TBC1D15: variants seen among roughly 807,000 people sequenced by gnomAD.
The protein encoded by TBC1D15 is TBC1 domain family member 15, also known as GAP for RAB7.
TBC1D15 carries 39 observed loss-of-function variants against 95.4 expected under a neutral mutation model. That is an observed-to-expected ratio of 0.41 (90% CI 0.32 to 0.53). The LOEUF (loss-of-function observed/expected upper bound fraction) is 0.53. Among genes scored for constraint, TBC1D15 ranks in the 20% least tolerant of loss-of-function variants. The pLI is 0.29. For synonymous variants in TBC1D15, 258 were observed against 261.3 expected (o/e 0.99, Z 0.12); for missense variants, 733 against 794.3 (o/e 0.92, Z 0.93).
chr12:71,852,104 G>C (rs1188773528), intron 1 of TBC1D15, among the ~76,000 whole-genome samples: 1 of 152,250 alleles, frequency 6.6e-6, no homozygotes, highest in East Asian at 1.9e-4. Flanking sequence ...AGCTTCAGCT[G>C]TTGCATTCTG....
At chr12:71,865,366 C>T (rs944260194) in intron 1 of TBC1D15, among the ~76,000 whole-genome samples, 1 of 151,996 alleles carries the variant, frequency 6.6e-6, no homozygotes, top group African/African-American at 2.4e-5. Flanking sequence ...AGAAGGGGTA[C>T]TTTGAAGGTT....
intron 1 of TBC1D15, among the ~76,000 whole-genome samples, chr12:71,864,682 T>C (rs1891106128): frequency 6.6e-6 from 1 of 152,070 alleles, no homozygotes; most frequent in African/African-American, 2.4e-5. Flanking sequence ...AATTTTTGTA[T>C]TTTTAGTAGC....
At chr12:71,855,187 C>G (rs12228009) in intron 1 of TBC1D15, among the ~76,000 whole-genome samples, 2 of 151,992 alleles carry the variant, frequency 1.3e-5, no homozygotes, top group Non-Finnish European at 2.9e-5. Flanking sequence ...TGTGAGAACT[C>G]CCTCACTATC....
At chr12:71,847,625 G>T (rs1010168135) in intron 1 of TBC1D15, among the ~76,000 whole-genome samples, 1 of 151,712 alleles carries the variant, frequency 6.6e-6, no homozygotes, top group African/African-American at 2.4e-5. Flanking sequence ...AACATGGGAG[G>T]CAGAGGTTGC....
At chr12:71,915,711 T>C (rs558845071) in intron 12 of TBC1D15, among the ~76,000 whole-genome samples, 1 of 152,278 alleles carries the variant, frequency 6.6e-6, no homozygotes, top group Admixed American at 6.5e-5. Context: ...CAGTAAATGC[T>C]CTCTGTGTTT....
Position 71,842,639 on chromosome 12 carries a change from T to C in TBC1D15, c.30+2828T>C, listed in dbSNP as rs557218058. On this transcript the variant is annotated intron_variant, in intron 1 of 16. Coordinates refer to ENST00000485960, the MANE Select transcript of TBC1D15 (RefSeq NM_001146213.3). ...TGAGCTCAGGAGTTCAAGACCAGCT[T>C]GGGCAACATAACTAGACCCTGTCTC... Among the ~76,000 whole-genome samples the C allele has an allele frequency of 1.2e-4, 18 of 151,922 alleles. No individual in the cohort carries two copies. The South Asian group carries it at 3.7e-3, about 32-fold the overall frequency.
At chr12:71,866,345 C>T (rs1052765653) in intron 1 of TBC1D15, among the ~76,000 whole-genome samples, 3 of 152,222 alleles carry the variant, frequency 2.0e-5, no homozygotes, top group African/African-American at 7.2e-5. Flanking sequence ...AGACTCGAGG[C>T]AGCTCCCTCA....
At chr12:71,904,625 A>T (rs1900226833) in intron 10 of TBC1D15, among the ~76,000 whole-genome samples, 1 of 152,082 alleles carries the variant, frequency 6.6e-6, no homozygotes, top group African/African-American at 2.4e-5. Context: ...GCACAAGAGG[A>T]GGGGTTGGTC....
rs1887344348 is a variant in TBC1D15, at chr12:71,849,931, T to A, written c.30+10120T>A. On this transcript the variant is annotated intron_variant, in intron 1 of 16. Transcript: ENST00000485960. ...TTGAGGATCAGTGGCTGGAAAAGGC[T>A]AAGTTTCCCCTGAAGGGTGTTGATC... 7.2e-6 allele frequency: 4 copies of A among 552,490 alleles called. No individual in the cohort carries two copies. In the Admixed American group the frequency reaches 8.7e-5, roughly 12 times the overall value. The allele number at this position is 552,490 out of a possible 1,614,324, so 34.2% of individuals were successfully genotyped here.
chr12:71,863,677 CT>C (rs761027801), intron 1 of TBC1D15, among the ~76,000 whole-genome samples: 5 of 152,118 alleles, frequency 3.3e-5, no homozygotes, highest in Non-Finnish European at 5.9e-5. Context: ...GGAATATATG[CT>C]TGCTTAATGG....
intron 4 of TBC1D15, among the ~76,000 whole-genome samples, chr12:71,881,589 C>T (rs1188897811): frequency 6.6e-6 from 1 of 152,152 alleles, no homozygotes; most frequent in Non-Finnish European, 1.5e-5. Flanking sequence ...TGTAATCCTG[C>T]TTATGGCTTG....
chr12:71,911,471 T>C (rs1186561560), intron 11 of TBC1D15, among the ~76,000 whole-genome samples: 1 of 151,606 alleles, frequency 6.6e-6, no homozygotes, highest in Non-Finnish European at 1.5e-5. Flanking sequence ...ATGTCCTTTG[T>C]AGGGACATGG....
At chr12:71,880,424 ATTTG>A (rs1436781332) in intron 3 of TBC1D15, 41 bp from the exon 4 acceptor site, 1 of 1,485,170 alleles carries the variant, frequency 6.7e-7, no homozygotes, top group Non-Finnish European at 9.1e-7. Context: ...TTGAAATTAA[ATTTG>A]TTTTAGACTT....
At chr12:71,867,750 A>C (rs955408013) in intron 1 of TBC1D15, among the ~76,000 whole-genome samples, 1 of 152,246 alleles carries the variant, frequency 6.6e-6, no homozygotes, top group East Asian at 1.9e-4. Context: ...TGGCCTTCCA[A>C]AGTGCTGGGA....
At chr12:71,896,249 T>C in intron 8 of TBC1D15, 174 bp downstream of exon 8, 1 of 566,216 alleles carries the variant, frequency 1.8e-6, no homozygotes, top group African/African-American at 1.9e-5. Context: ...TGCCTTAAAA[T>C]TCCTGGATTG....
At chr12:71,888,740 C>G (rs1335671539) in intron 5 of TBC1D15, among the ~76,000 whole-genome samples, 2 of 151,908 alleles carry the variant, frequency 1.3e-5, no homozygotes, top group Non-Finnish European at 2.9e-5. Flanking sequence ...GCACCCTACT[C>G]TTTCTCAATC....
At chr12:71,870,025 C>G (rs1892325733) in intron 1 of TBC1D15, among the ~76,000 whole-genome samples, 1 of 152,078 alleles carries the variant, frequency 6.6e-6, no homozygotes, top group Non-Finnish European at 1.5e-5. Context: ...AGAATTTGTT[C>G]TGTATATTTC....
At chr12:71,844,387 G>T (rs530217310) in intron 1 of TBC1D15, among the ~76,000 whole-genome samples, 1 of 152,250 alleles carries the variant, frequency 6.6e-6, no homozygotes, top group East Asian at 1.9e-4. Context: ...TGGTATTTGG[G>T]TTTCAATCAT....
In TBC1D15 at chr12:71,884,819, A is replaced by C. The variant is rs769996453; in HGVS notation, c.352A>C (p.Ser118Arg). 6.8e-6 allele frequency: 11 copies of C among 1,613,828 alleles called. No individual in the cohort carries two copies. The highest frequency in any genetic ancestry group is 9.3e-6 in the Non-Finnish European group (11 of 1,179,908). ...RKPHTNGDAP[S>R]HRNGKSKWSF... The stretch of plus-strand genomic sequence containing the variant: ...ACTTTCTTGTTTTTAAGATGCTCCA[A>C]GTCATAGAAATGGGAAAAGCAAATG... The change falls in exon 5 of 17, where the codon AGT (serine) becomes CGT (arginine). Residue 118 changes from serine to arginine, a missense_variant. Transcript: ENST00000485960.
Sources: gnomAD v4.1 joint callset for allele counts (sites outside exome capture counted in the v4.1 genomes callset) on GRCh38, gnomAD v4.1.1 for gene constraint, MANE v1.5 for transcripts, NCBI Gene and HGNC (gene_info 2026-07-23, HGNC 2026-07-21) for gene names.